Variants in WWOX observed in about 807,000 individuals in gnomAD.
The protein encoded by WWOX is WW domain containing oxidoreductase.
WWOX carries 69 observed loss-of-function variants against 46.2 expected under a neutral mutation model. The ratio of observed to expected loss-of-function variants is 1.49; its 90% CI spans 1.23 to 1.82. WWOX has a LOEUF of 1.82. Among genes scored for constraint, WWOX ranks in the 40% most tolerant of loss-of-function variants. WWOX has a pLI of 0.00. For missense variants in WWOX, 919 were observed against 542.6 expected (o/e 1.69, Z -6.89); for synonymous variants, 359 against 202.6 (o/e 1.77, Z -6.56).
rs186057088 is a variant in WWOX at position 78,221,804 on chromosome 16, T to A, written c.516+57515T>A. Reference sequence around the variant, plus strand: ...GGTTTGTAATTTGTTTTTGACACATTTCTCTCTGATTTTATACACTCATGC... The same window carrying A: ...GGTTTGTAATTTGTTTTTGACACATATCTCTCTGATTTTATACACTCATGC... On this transcript the variant is annotated intron_variant, in intron 5 of 8. Coordinates refer to ENST00000566780, the MANE Select transcript of WWOX (RefSeq NM_016373.4). 2.5e-3 allele frequency among the ~76,000 whole-genome samples: 387 copies of A among 152,302 alleles called. 2 individuals are homozygous for A. The highest frequency in any genetic ancestry group is 0.01 in the Middle Eastern group (3 of 294).
intron 8 of WWOX, among the ~76,000 whole-genome samples, chr16:78,824,849 G>C (rs2151148836): frequency 6.6e-6 from 1 of 152,292 alleles, no homozygotes; most frequent in East Asian, 1.9e-4. Flanking sequence ...AAGCATATCA[G>C]GGTCCTAGGC....
intron 8 of WWOX, among the ~76,000 whole-genome samples, chr16:78,665,505 G>A (rs1009648249): frequency 1.3e-5 from 2 of 152,100 alleles, no homozygotes; most frequent in African/African-American, 2.4e-5. Flanking sequence ...GGCAAGAGAC[G>A]TGTGTCTCCT....
At chr16:78,871,914 C>T (rs1325520358) in intron 8 of WWOX, among the ~76,000 whole-genome samples, 1 of 152,180 alleles carries the variant, frequency 6.6e-6, no homozygotes, top group Non-Finnish European at 1.5e-5. Context: ...TGGGCCCCTC[C>T]TTTCTGGCCC....
intron 5 of WWOX, among the ~76,000 whole-genome samples, chr16:78,210,101 G>T (rs773501334): frequency 2.0e-5 from 3 of 152,146 alleles, no homozygotes; most frequent in African/African-American, 4.8e-5. Flanking sequence ...AGTTCCAGAC[G>T]CCGAGCTTCA....
At chr16:78,999,265 G>T (rs2047048685) in intron 8 of WWOX, among the ~76,000 whole-genome samples, 1 of 152,028 alleles carries the variant, frequency 6.6e-6, no homozygotes, top group African/African-American at 2.4e-5. Context: ...GAGGTCGGGA[G>T]TTCGAGACCA....
At chr16:78,319,663 A>G (rs1262094021) in intron 5 of WWOX, among the ~76,000 whole-genome samples, 1 of 152,188 alleles carries the variant, frequency 6.6e-6, no homozygotes, top group Non-Finnish European at 1.5e-5. Flanking sequence ...GTCACATAGC[A>G]ATGGAAAAAT....
chr16:78,756,797 C>T (rs903481689), intron 8 of WWOX: 2 of 531,498 alleles, frequency 3.8e-6, no homozygotes, highest in African/African-American at 1.9e-5. Context: ...GTAGCCATGT[C>T]TCAGCATAGT....
intron 8 of WWOX, among the ~76,000 whole-genome samples, chr16:78,695,025 C>G (rs1297446363): frequency 6.6e-6 from 1 of 152,162 alleles, no homozygotes; most frequent in African/African-American, 2.4e-5. Flanking sequence ...ATGAAGCAAG[C>G]TGCTTCTTTC....
At chr16:78,426,778 C>T (rs1322387149) in intron 7 of WWOX, among the ~76,000 whole-genome samples, 2 of 152,280 alleles carry the variant, frequency 1.3e-5, no homozygotes, top group East Asian at 3.9e-4. Context: ...ATTCTCCTGC[C>T]TCAGCCTTCC....
chr16:79,074,553 A>G (rs1035359378), intron 8 of WWOX, among the ~76,000 whole-genome samples: 1 of 149,634 alleles, frequency 6.7e-6, no homozygotes, highest in African/African-American at 2.5e-5. Context: ...GGATCTCTAC[A>G]CTCCTACTTG....
At chr16:78,961,784 G>C (rs965873914) in intron 8 of WWOX, among the ~76,000 whole-genome samples, 3 of 152,142 alleles carry the variant, frequency 2.0e-5, no homozygotes, top group African/African-American at 7.2e-5. Flanking sequence ...AAGTACCTCA[G>C]GTTATCATAG....
chr16:78,153,311 A>G (rs544920405), intron 4 of WWOX, among the ~76,000 whole-genome samples: 6 of 152,280 alleles, frequency 3.9e-5, no homozygotes, highest in African/African-American at 1.2e-4. Context: ...ATCATCGTCA[A>G]TGTCATGTCA....
chr16:79,042,292 G>C (rs899708422), intron 8 of WWOX, among the ~76,000 whole-genome samples: 12 of 152,244 alleles, frequency 7.9e-5, no homozygotes, highest in African/African-American at 2.2e-4. Flanking sequence ...TTATGTCATG[G>C]GTGGAAACAT....
At chr16:78,685,630 T>G (rs1217325621) in intron 8 of WWOX, among the ~76,000 whole-genome samples, 1 of 152,190 alleles carries the variant, frequency 6.6e-6, no homozygotes, top group Non-Finnish European at 1.5e-5. Context: ...CCATATATGT[T>G]TTGCTTGTGT....
At chr16:78,153,621 C>CTGGA (rs994397420) in intron 4 of WWOX, among the ~76,000 whole-genome samples, 12 of 152,168 alleles carry the variant, frequency 7.9e-5, no homozygotes, top group Non-Finnish European at 1.6e-4. Context: ...CTGGAGGGGG[C>CTGGA]TGGAAATCAC....
At chr16:78,735,048 G>A (rs1272194566) in intron 8 of WWOX, among the ~76,000 whole-genome samples, 1 of 151,052 alleles carries the variant, frequency 6.6e-6, no homozygotes, top group African/African-American at 2.4e-5. Flanking sequence ...TGTGTTGTTA[G>A]TAGAGACAGG....
At chr16:79,177,214 C>T (rs768948844) in intron 8 of WWOX, among the ~76,000 whole-genome samples, 9 of 152,188 alleles carry the variant, frequency 5.9e-5, no homozygotes, top group Non-Finnish European at 1.2e-4. Flanking sequence ...GCAACTGACA[C>T]ATGCTGGATC....
chr16:78,556,441 A>G (rs1286717360), intron 8 of WWOX, among the ~76,000 whole-genome samples: 1 of 152,100 alleles, frequency 6.6e-6, no homozygotes, highest in Non-Finnish European at 1.5e-5. Context: ...CGGTCAGGGA[A>G]TTTGTATGAT....
At chr16:78,856,448 GC>G (rs2052568766) in intron 8 of WWOX, among the ~76,000 whole-genome samples, 1 of 152,160 alleles carries the variant, frequency 6.6e-6, no homozygotes, top group African/African-American at 2.4e-5. Flanking sequence ...TTCGAGACCA[GC>G]CTGGCCAACA....
Sources: allele counts gnomAD v4.1 joint callset (sites outside exome capture counted in the v4.1 genomes callset), GRCh38; gene constraint gnomAD v4.1.1; transcripts MANE v1.5; gene names NCBI Gene and HGNC (gene_info 2026-07-23, HGNC 2026-07-21).